Variants in TPRG1 observed in about 807,000 individuals in gnomAD.
The protein encoded by TPRG1 is tumor protein p63-regulated gene 1 protein.
Under a neutral mutation model 29.3 loss-of-function variants are expected in TPRG1, and 29 were observed. That is an observed-to-expected ratio of 0.99 (90% confidence interval 0.74 to 1.35). The LOEUF (loss-of-function observed/expected upper bound fraction) is 1.35. TPRG1 is among the 40% of genes most tolerant of loss of function. The pLI, the probability that TPRG1 is intolerant of heterozygous loss-of-function variation, is 0.00. For missense variants in TPRG1, 327 were observed against 335.0 expected (o/e 0.98, Z 0.19); for synonymous variants, 130 against 116.8 (o/e 1.11, Z -0.73).
At chr3:189,174,947 G>A (rs934455044) in intron 1 of TPRG1, among the ~76,000 whole-genome samples, 57 of 152,114 alleles carry the variant, frequency 3.7e-4, no homozygotes, top group African/African-American at 1.3e-3. Flanking sequence ...AATCCAAATT[G>A]CTGAAATACT....
At chr3:189,103,290 C>G (rs1719420061) in intron 1 of TPRG1, among the ~76,000 whole-genome samples, 1 of 152,116 alleles carries the variant, frequency 6.6e-6, no homozygotes, top group Non-Finnish European at 1.5e-5. Context: ...ATGTATCCCC[C>G]AAAGCTAAAA....
chr3:189,289,951 A>G (rs779772198), intron 4 of TPRG1, among the ~76,000 whole-genome samples: 3 of 152,244 alleles, frequency 2.0e-5, no homozygotes, highest in Non-Finnish European at 4.4e-5. Flanking sequence ...AATCAATTAA[A>G]TGGTGTACAT....
At chr3:189,271,792 G>A (rs2109086211) in intron 4 of TPRG1, among the ~76,000 whole-genome samples, 1 of 152,306 alleles carries the variant, frequency 6.6e-6, no homozygotes, top group South Asian at 2.1e-4. Flanking sequence ...GCATGTGCTT[G>A]GGAACCAAAC....
chr3:189,099,672 C>T (rs531683737), upstream of TPRG1, among the ~76,000 whole-genome samples: 2 of 152,198 alleles, frequency 1.3e-5, no homozygotes, highest in South Asian at 4.2e-4. Context: ...TGACCTACAG[C>T]CCCGCCGGTA....
intron 3 of TPRG1, among the ~76,000 whole-genome samples, chr3:189,139,901 A>G (rs1724311167): frequency 6.6e-6 from 1 of 152,190 alleles, no homozygotes; most frequent in African/African-American, 2.4e-5. Flanking sequence ...TCTTGTTACC[A>G]CATTGTCAAT....
rs1442260398 is a variant in TPRG1 at position 189,006,915 on chromosome 3, C to A, written c.-660+2155C>A. Among the ~76,000 whole-genome samples the A allele has an allele frequency of 1.3e-5, 2 of 152,042 alleles. 1 individual carries two copies. The highest frequency in any genetic ancestry group is 2.9e-5 in the Non-Finnish European group (2 of 67,994). ...TGGCCTGCAAAATTTAAAATATTTA[C>A]AATCTGGTCCTTTAAGAAAATGATT... On this transcript the variant is annotated intron_variant, in intron 3 of 10. Transcript: ENST00000433971.
At chr3:189,169,371 G>A (rs1728535448), upstream of TPRG1, among the ~76,000 whole-genome samples, 1 of 152,124 alleles carries the variant, frequency 6.6e-6, no homozygotes, top group Non-Finnish European at 1.5e-5. Context: ...CACCATGTTG[G>A]CCACGCTGGT....
At chr3:189,303,086 A>G (rs541571647) in intron 4 of TPRG1, among the ~76,000 whole-genome samples, 12 of 152,198 alleles carry the variant, frequency 7.9e-5, no homozygotes, top group Non-Finnish European at 1.3e-4. Context: ...GGAAAGTATT[A>G]TAAGGGTTTT....
chr3:189,164,090 G>A (rs1224131686), intron 5 of TPRG1, among the ~76,000 whole-genome samples: 7 of 152,110 alleles, frequency 4.6e-5, no homozygotes, highest in African/African-American at 1.7e-4. Flanking sequence ...CATGGTAAAA[G>A]AGAAGATTCT....
At chr3:189,175,027 T>C (rs1729294861) in intron 1 of TPRG1, among the ~76,000 whole-genome samples, 1 of 152,160 alleles carries the variant, frequency 6.6e-6, no homozygotes, top group South Asian at 2.1e-4. Context: ...TGATCACCTA[T>C]GGTGTATTAT....
At chr3:189,235,835 G>A (rs2108927722) in intron 3 of TPRG1, among the ~76,000 whole-genome samples, 1 of 152,258 alleles carries the variant, frequency 6.6e-6, no homozygotes, top group South Asian at 2.1e-4. Context: ...GTCATTTTAA[G>A]GATCTGTAGA....
At position 189,320,871 on chromosome 3, in the gene TPRG1, A is replaced by T; in HGVS notation, c.*51A>T. 7.2e-7 allele frequency: 1 copy of T among 1,394,356 alleles called. No individual in the cohort carries two copies. The highest frequency in any genetic ancestry group is 9.5e-7 in the Non-Finnish European group (1 of 1,052,292). The allele number at this position is 1,394,356 out of a possible 1,614,324, so 86.4% of individuals were successfully genotyped here. ...TCATCCACAGATATGTCACTTTGAA[A>T]ATTCCAGTTTGACCCACGCTATTTT... On this transcript the variant is annotated 3_prime_UTR_variant, in exon 6 of 6. Coordinates refer to ENST00000345063, the MANE Select transcript of TPRG1 (RefSeq NM_198485.4).
chr3:189,117,162 A>T lies in TPRG1; in HGVS notation c.-743-9895A>T, dbSNP rs1026819914. Among the ~76,000 whole-genome samples the T allele has an allele frequency of 8.5e-5, 13 of 152,310 alleles. No homozygotes were observed. In the South Asian group the frequency reaches 1.9e-3, roughly 22 times the overall value. ...TTATTGGGACTTATAATCTCAGGGCAGGGAGAGAGGAAAAAGAGGGCAATG... is the reference window on the plus strand; with the variant it reads ...TTATTGGGACTTATAATCTCAGGGCTGGGAGAGAGGAAAAAGAGGGCAATG... On this transcript the variant is annotated intron_variant, in intron 1 of 6. Coordinates refer to the TPRG1 transcript ENST00000412373.
At chr3:189,320,592 A>C in intron 5 of TPRG1, 34 bp from the exon 6 acceptor site, 1 of 1,559,522 alleles carries the variant, frequency 6.4e-7, no homozygotes, top group East Asian at 2.3e-5. Context: ...AATCTACAGT[A>C]ACTAACTTTG....
intron 4 of TPRG1, among the ~76,000 whole-genome samples, chr3:189,298,620 A>G (rs1252146629): frequency 6.6e-6 from 1 of 152,104 alleles, no homozygotes; most frequent in Non-Finnish European, 1.5e-5. Context: ...GAATATACTC[A>G]CTTTGGCAGG....
chr3:189,207,322 A>C (rs1264191747), intron 1 of TPRG1, 54 bp from the exon 2 acceptor site: 1 of 1,592,858 alleles, frequency 6.3e-7, no homozygotes, highest in Non-Finnish European at 8.6e-7. Flanking sequence ...CATAGCTAGG[A>C]CACAGGTACA....
chr3:189,098,144 C>G (rs1376821885), upstream of TPRG1, among the ~76,000 whole-genome samples: 1 of 151,852 alleles, frequency 6.6e-6, no homozygotes, highest in East Asian at 1.9e-4. Flanking sequence ...GCACTAGAAG[C>G]ACAGAGTATA....
rs556792056 is a variant in TPRG1, at chr3:189,198,664, A to T, written c.-9-8712A>T. ...GAAATTTAAACTTAATGGCGGCTCT[A>T]TATCATGCCCATACTAAGTGCTGGA... On this transcript the variant is annotated intron_variant, in intron 1 of 5. Transcript: ENST00000345063. Among the ~76,000 whole-genome samples the T allele has an allele frequency of 3.3e-5, 5 of 152,372 alleles. No individual in the cohort carries two copies. In the East Asian group the frequency reaches 9.6e-4, roughly 29 times the overall value.
chr3:189,251,487 G>C (rs1742249341), intron 4 of TPRG1, among the ~76,000 whole-genome samples: 1 of 152,068 alleles, frequency 6.6e-6, no homozygotes, highest in Admixed American at 6.6e-5. Context: ...GGGGGCCCAG[G>C]GGACCAGCGT....
Sources: allele counts gnomAD v4.1 joint callset (sites outside exome capture counted in the v4.1 genomes callset), GRCh38; gene constraint gnomAD v4.1.1; transcripts MANE v1.5; gene names NCBI Gene and HGNC (gene_info 2026-07-23, HGNC 2026-07-21).